CCDC3: variants seen among roughly 807,000 people sequenced by gnomAD.
CCDC3 encodes coiled-coil domain containing 3.
In CCDC3, 24 loss-of-function variants were observed where a neutral mutation model predicts 21.4. The ratio of observed to expected loss-of-function variants is 1.12; its 90% CI spans 0.81 to 1.58. The LOEUF (loss-of-function observed/expected upper bound fraction) is 1.58, where lower values mean the gene tolerates loss of function less well. Among genes scored for constraint, CCDC3 ranks in the 40% most tolerant of loss-of-function variants. The pLI is 0.00. For synonymous variants in CCDC3, 186 were observed against 166.0 expected, an observed-to-expected ratio of 1.12 and a Z score of -0.93; for missense variants, 425 against 360.9, an observed-to-expected ratio of 1.18 and a Z score of -1.44.
intron 2 of CCDC3, among the ~76,000 whole-genome samples, chr10:12,963,917 C>A (rs1835218468): frequency 6.6e-6 from 1 of 152,142 alleles, no homozygotes; most frequent in South Asian, 2.1e-4. Context: ...CACTGTCTTT[C>A]ACATGGCCAT....
At chr10:13,026,262 TTATAAC>T (rs748947023) in intron 5 of CCDC3, among the ~76,000 whole-genome samples, 2 of 152,190 alleles carry the variant, frequency 1.3e-5, no homozygotes, top group Non-Finnish European at 2.9e-5. Context: ...CCCACCCACT[TTATAAC>T]TAGGCGCTGA....
intron 2 of CCDC3, among the ~76,000 whole-genome samples, chr10:12,922,704 T>G (rs188056936): frequency 6.1e-4 from 93 of 152,202 alleles, no homozygotes; most frequent in African/African-American, 1.9e-3. Flanking sequence ...GTTTATGTTT[T>G]CCCCGGATGT....
At chr10:12,957,735 G>T (rs1835114710) in intron 2 of CCDC3, among the ~76,000 whole-genome samples, 1 of 152,186 alleles carries the variant, frequency 6.6e-6, no homozygotes, top group African/African-American at 2.4e-5. Flanking sequence ...TTTACTTTCT[G>T]CCATGATTGC....
At chr10:12,958,845 T>A (rs1835134425) in intron 2 of CCDC3, among the ~76,000 whole-genome samples, 1 of 152,130 alleles carries the variant, frequency 6.6e-6, no homozygotes, top group African/African-American at 2.4e-5. Context: ...TCCCTATGGT[T>A]CCAGCAAAGG....
chr10:12,968,747 G>C (rs1308045925), intron 2 of CCDC3, among the ~76,000 whole-genome samples: 4 of 152,108 alleles, frequency 2.6e-5, no homozygotes, highest in African/African-American at 7.2e-5. Context: ...AAAGTATGGA[G>C]TATTATCATG....
intron 2 of CCDC3, among the ~76,000 whole-genome samples, chr10:12,993,130 T>A (rs1412698961): frequency 1.3e-5 from 2 of 152,182 alleles, no homozygotes; most frequent in Non-Finnish European, 2.9e-5. Context: ...AGGCAGCTTT[T>A]CAAATTCTTT....
At chr10:12,906,034 G>A (rs1834166249) in intron 2 of CCDC3, among the ~76,000 whole-genome samples, 1 of 152,206 alleles carries the variant, frequency 6.6e-6, no homozygotes, top group South Asian at 2.1e-4. Context: ...AAACAGGTTG[G>A]AAATGCAGCT....
At chr10:12,964,671 T>A (rs185840769) in intron 2 of CCDC3, among the ~76,000 whole-genome samples, 2 of 152,348 alleles carry the variant, frequency 1.3e-5, no homozygotes, top group Admixed American at 6.5e-5. Flanking sequence ...TTGAAATTCA[T>A]TGAGTCCAGT....
intron 2 of CCDC3, among the ~76,000 whole-genome samples, chr10:12,947,733 T>G (rs1035189727): frequency 6.6e-6 from 1 of 152,234 alleles, no homozygotes; most frequent in Non-Finnish European, 1.5e-5. Flanking sequence ...TAGCAGTAAC[T>G]AATAAATTGA....
At chr10:13,021,299 A>G (rs534338225) in intron 5 of CCDC3, among the ~76,000 whole-genome samples, 1 of 152,310 alleles carries the variant, frequency 6.6e-6, no homozygotes, top group East Asian at 1.9e-4. Context: ...ACTCCTATCA[A>G]TCACAGCTTA....
intron 2 of CCDC3, among the ~76,000 whole-genome samples, chr10:12,917,254 C>T (rs557626885): frequency 9.4e-5 from 12 of 127,508 alleles, no homozygotes; most frequent in South Asian, 5.1e-4. Flanking sequence ...ACTGCAGTGG[C>T]GCTATCTCGG....
At chr10:12,972,995 C>T (rs988389675) in intron 2 of CCDC3, among the ~76,000 whole-genome samples, 19 of 152,158 alleles carry the variant, frequency 1.2e-4, no homozygotes, top group Non-Finnish European at 2.6e-4. Flanking sequence ...AAGCCTGTTT[C>T]CTCATCTGCA....
chr10:13,088,728 T>C (rs575383598), intron 3 of CCDC3, among the ~76,000 whole-genome samples: 1 of 152,090 alleles, frequency 6.6e-6, no homozygotes, highest in Non-Finnish European at 1.5e-5. Context: ...TTTTAAAAAA[T>C]TAACTGAATA....
At chr10:12,948,135 A>G (rs1039998668) in intron 2 of CCDC3, among the ~76,000 whole-genome samples, 3 of 152,032 alleles carry the variant, frequency 2.0e-5, no homozygotes, top group African/African-American at 7.2e-5. Context: ...TTCTCATTAT[A>G]TAAGTCCCAC....
At chr10:13,092,935 T>A (rs182092110) in intron 3 of CCDC3, among the ~76,000 whole-genome samples, 1 of 151,640 alleles carries the variant, frequency 6.6e-6, no homozygotes, top group Non-Finnish European at 1.5e-5. Flanking sequence ...GTGAGAGAAA[T>A]GTTGACTTTT....
chr10:12,916,002 G>A (rs927097707), intron 2 of CCDC3, among the ~76,000 whole-genome samples: 1 of 152,076 alleles, frequency 6.6e-6, no homozygotes, highest in East Asian at 1.9e-4. Context: ...GTTCACAGTG[G>A]ATGGTCCTGG....
chr10:13,032,691 C>A (rs1205616968), intron 5 of CCDC3, among the ~76,000 whole-genome samples: 1 of 152,154 alleles, frequency 6.6e-6, no homozygotes, highest in Non-Finnish European at 1.5e-5. Flanking sequence ...TTCCTATACA[C>A]CAATAACAGA....
chr10:12,929,250 A>G (rs1308337739), intron 2 of CCDC3, among the ~76,000 whole-genome samples: 3 of 123,120 alleles, frequency 2.4e-5, no homozygotes, highest in Non-Finnish European at 3.3e-5. Flanking sequence ...TGACAAAGTG[A>G]GATTCCATCT....
intron 2 of CCDC3, among the ~76,000 whole-genome samples, chr10:12,931,671 G>A (rs1317503880): frequency 1.3e-5 from 2 of 152,186 alleles, no homozygotes; most frequent in Non-Finnish European, 2.9e-5. Flanking sequence ...TTGCCCTTCT[G>A]ACAAGTTTGT....
Sources: allele counts gnomAD v4.1 joint callset (sites outside exome capture counted in the v4.1 genomes callset), GRCh38; gene constraint gnomAD v4.1.1; transcripts MANE v1.5; gene names NCBI Gene and HGNC (gene_info 2026-07-23, HGNC 2026-07-21).